The following DECR1 variants were observed in gnomAD, a reference collection of about 807,000 sequenced individuals.
The protein encoded by DECR1 is 2,4-dienoyl-CoA reductase 1.
A neutral mutation model predicts 38.8 loss-of-function variants in DECR1; 44 were observed. The ratio of observed to expected loss-of-function variants is 1.13; its 90% confidence interval spans 0.89 to 1.46. The LOEUF (loss-of-function observed/expected upper bound fraction) is 1.46. Among genes scored for constraint, DECR1 ranks in the 40% most tolerant of loss-of-function variants. The pLI, the probability that DECR1 is intolerant of heterozygous loss-of-function variation, is 0.00. For missense variants in DECR1, 428 were observed against 405.5 expected, an observed-to-expected ratio of 1.06 and a Z score of -0.48; for synonymous variants, 148 against 135.2, an observed-to-expected ratio of 1.09 and a Z score of -0.66.
chr8:90,014,403 A>T (rs983973951), intron 1 of DECR1, among the ~76,000 whole-genome samples: 8 of 152,202 alleles, frequency 5.3e-5, no homozygotes, highest in Non-Finnish European at 7.4e-5. Context: ...TTGAATTTAT[A>T]TTAACACATA....
rs143170054 is a variant in DECR1 at position 90,021,013 on chromosome 8, C to A, written c.522C>A (p.Phe174Leu). 1 of 1,594,790 alleles carries A rather than the reference C, an allele frequency of 6.3e-7. No individual in the cohort carries two copies. The highest frequency in any genetic ancestry group is 8.5e-7 in the Non-Finnish European group (1 of 1,173,668). Residue 174 changes from phenylalanine (F) to leucine (L), a missense_variant, in exon 5 of 10, where the codon TTC becomes TTA. By Grantham distance (22) the Phe-to-Leu change is conservative. Coordinates refer to ENST00000220764, the MANE Select transcript of DECR1 (RefSeq NM_001359.2). Reference sequence around the variant, plus strand: ...ACATAGTTCTAAATGGCACAGCCTTCGTGACACTAGAAATTGGAAAACAAC... The same window carrying A: ...ACATAGTTCTAAATGGCACAGCCTTAGTGACACTAGAAATTGGAAAACAAC... ...ITDIVLNGTA[F>L]VTLEIGKQLI... is the part of the protein sequence containing the mutation.
chr8:90,027,954 A>G (rs886210379), intron 5 of DECR1, among the ~76,000 whole-genome samples: 4 of 152,020 alleles, frequency 2.6e-5, no homozygotes, highest in African/African-American at 9.7e-5. Flanking sequence ...TATCCTAGTT[A>G]TATATTGCTA....
In DECR1 at chr8:90,021,035, C is replaced by T; in HGVS notation, c.544C>T (p.Gln182Ter). The change falls in exon 5 of 10, where the codon CAA becomes TAA. Residue 182 changes from glutamine (Q) to a stop codon, truncating the protein, a stop_gained. Coordinates refer to ENST00000220764, the MANE Select transcript of DECR1 (RefSeq NM_001359.2). LOFTEE classifies it high-confidence loss of function. ...CTTCGTGACACTAGAAATTGGAAAA[C>T]AACTAATTAAAGCACAGAAAGGTAT... The part of the protein sequence containing the change: ...TAFVTLEIGK[Q>*]LIKAQKGAAF... 6.3e-7 allele frequency: 1 copy of T among 1,586,896 alleles called. No individual in the cohort carries two copies. Among genetic ancestry groups the T allele is most frequent in the Non-Finnish European group, 8.5e-7 (1 of 1,171,752 alleles).
chr8:90,045,609 G>A (rs955784265), intron 8 of DECR1, among the ~76,000 whole-genome samples: 6 of 152,214 alleles, frequency 3.9e-5, no homozygotes, highest in African/African-American at 1.4e-4. Flanking sequence ...TCTAGGGGCA[G>A]GACATAGCTG....
chr8:90,012,300 A>G (rs919820739), intron 1 of DECR1, among the ~76,000 whole-genome samples: 1 of 151,608 alleles, frequency 6.6e-6, no homozygotes, highest in Non-Finnish European at 1.5e-5. Context: ...CTACAGGCGC[A>G]TGCCACCACG....
At chr8:90,005,929 G>T in intron 1 of DECR1, 1 of 438,168 alleles carries the variant, frequency 2.3e-6, no homozygotes, top group Admixed American at 3.5e-5. Context: ...AGGGTGTTGG[G>T]AGGTGCCGGC....
chr8:90,038,819 T>C (rs972857922), intron 6 of DECR1, among the ~76,000 whole-genome samples: 4 of 152,150 alleles, frequency 2.6e-5, no homozygotes, highest in African/African-American at 9.7e-5. Context: ...TAGTTTGAGA[T>C]AGAAAGAAAT....
chr8:90,012,697 T>C (rs890748063), intron 1 of DECR1, among the ~76,000 whole-genome samples: 5 of 152,186 alleles, frequency 3.3e-5, no homozygotes, highest in South Asian at 2.1e-4. Context: ...AACTGTACTA[T>C]AGTGATGAAT....
chr8:90,002,480 A>G (rs1812641608), intron 1 of DECR1, among the ~76,000 whole-genome samples: 1 of 152,002 alleles, frequency 6.6e-6, no homozygotes, highest in Non-Finnish European at 1.5e-5. Flanking sequence ...AAGAAGAAAG[A>G]GAAACAAAAA....
chr8:90,021,936 T>C (rs888007352), intron 5 of DECR1, among the ~76,000 whole-genome samples: 3 of 152,214 alleles, frequency 2.0e-5, no homozygotes, highest in Non-Finnish European at 4.4e-5. Flanking sequence ...ATGTCTAATG[T>C]ATATATGTGT....
chr8:90,017,209 T>C lies in DECR1; in HGVS notation c.155T>C (p.Leu52Pro). The change falls in exon 2 of 10, where the codon CTA (leucine) becomes CCA (proline). Residue 52 changes from leucine (L) to proline (P), a missense_variant. Transcript: ENST00000220764. Reference protein sequence around the residue: ...KFFSPLQKAMLPPNSFQGKVA... With the variant: ...KFFSPLQKAMPPPNSFQGKVA... ...TTTTCACCTCTTCAAAAAGCGATGC[T>C]ACCACCTAATAGTTTTCAAGGAAAA... 6.2e-7 allele frequency: 1 copy of C among 1,614,160 alleles called. No individual in the cohort carries two copies. Among genetic ancestry groups the C allele is most frequent in the Non-Finnish European group, 8.5e-7 (1 of 1,179,964 alleles).
At chr8:90,023,024 C>T (rs1315911450) in intron 5 of DECR1, among the ~76,000 whole-genome samples, 4 of 152,190 alleles carry the variant, frequency 2.6e-5, no homozygotes, top group Admixed American at 2.6e-4. Context: ...GTTTGGAGAA[C>T]TTGGACCACT....
rs930197110 is a variant in DECR1, at chr8:90,052,532, GTAT to G, written c.*640_*642del. The stretch of plus-strand genomic sequence containing the variant: ...AATTATTTATGATACATTGTGATAA[GTAT>G]TATTCCAGCAGTATTTAAGTGTAGA... On this transcript the variant is annotated 3_prime_UTR_variant, in exon 10 of 10. Coordinates refer to ENST00000220764, the MANE Select transcript of DECR1 (RefSeq NM_001359.2). Among the ~76,000 whole-genome samples the G allele has an allele frequency of 1.6e-4, 25 of 152,078 alleles. No individual in the cohort carries two copies. Among genetic ancestry groups the G allele is most frequent in the African/African-American group, 6.0e-4 (25 of 41,414 alleles).
At position 90,044,868 on chromosome 8, in the gene DECR1, A is replaced by C. The variant is rs763068155; in HGVS notation, c.758A>C (p.Asp253Ala). 6.2e-7 allele frequency: 1 copy of C among 1,613,464 alleles called. No individual in the cohort carries two copies. Among genetic ancestry groups the C allele is most frequent in the Non-Finnish European group, 8.5e-7 (1 of 1,179,608 alleles). ...IKTKGAFSRL[D>A]PTGTFEKEMI... ...TCTAAGGGTGCCTTTAGCCGTCTGG[A>C]CCCAACTGGAACATTTGAGAAAGAA... Residue 253 changes from aspartate (D) to alanine (A), a missense_variant, in exon 8 of 10, where the codon GAC becomes GCC. Coordinates refer to ENST00000220764, the MANE Select transcript of DECR1 (RefSeq NM_001359.2).
intron 6 of DECR1, chr8:90,042,494 C>G: frequency 1.9e-6 from 1 of 539,254 alleles, no homozygotes; most frequent in South Asian, 2.2e-5. Context: ...ACTAAGGGTA[C>G]AGACTGAAGC....
intron 5 of DECR1, chr8:90,030,476 GT>G (rs1211945897): frequency 2.6e-5 from 4 of 152,176 alleles, no homozygotes; most frequent in Non-Finnish European, 5.9e-5. Context: ...GAACACAAAT[GT>G]GGTGCTTTGT....
intron 8 of DECR1, among the ~76,000 whole-genome samples, chr8:90,046,454 A>G (rs1386825712): frequency 6.6e-6 from 1 of 152,248 alleles, no homozygotes; most frequent in Non-Finnish European, 1.5e-5. Flanking sequence ...TTGAAGATCA[A>G]ATGAATGAAA....
rs1279467732 is a variant in DECR1, at chr8:90,019,185, A to G, written c.417+13A>G. The G allele has an allele frequency of 1.2e-6, 2 of 1,608,310 alleles. No homozygotes were observed. Among genetic ancestry groups the G allele is most frequent in the East Asian group, 2.2e-5 (1 of 44,834 alleles). Reference sequence around the variant, plus strand: ...AGGACATCCTAATGTAAGTGTAGCAATGATGAAGCCAAAGTGCAAGACACT... The same window carrying G: ...AGGACATCCTAATGTAAGTGTAGCAGTGATGAAGCCAAAGTGCAAGACACT... On this transcript the variant is annotated intron_variant, in intron 4 of 9. Transcript: ENST00000220764.
intron 1 of DECR1, among the ~76,000 whole-genome samples, chr8:90,003,856 T>C (rs981494346): frequency 2.0e-5 from 3 of 151,646 alleles, no homozygotes; most frequent in African/African-American, 7.3e-5. Flanking sequence ...GGAGAATCGC[T>C]TTAACCTGGG....
Sources: allele counts gnomAD v4.1 joint callset (sites outside exome capture counted in the v4.1 genomes callset), GRCh38; gene constraint gnomAD v4.1.1; transcripts MANE v1.5; gene names NCBI Gene and HGNC (gene_info 2026-07-23, HGNC 2026-07-21).